Variants in FAM216B observed in about 807,000 individuals in gnomAD.
FAM216B encodes family with sequence similarity 216 member B.
A neutral mutation model predicts 12.9 loss-of-function variants in FAM216B; 11 were observed. The observed-to-expected ratio is 0.86, with a 90% CI of 0.54 to 1.42. The LOEUF (loss-of-function observed/expected upper bound fraction) is 1.42. Among genes scored for constraint, FAM216B ranks in the 40% most tolerant of loss-of-function variants. FAM216B has a pLI of 0.00. For synonymous variants in FAM216B, 52 were observed against 57.2 expected, an observed-to-expected ratio of 0.91 and a Z score of 0.41; for missense variants, 167 against 162.9, an observed-to-expected ratio of 1.02 and a Z score of -0.14.
chr13:42,782,829 T>C (rs1873911620), intron 1 of FAM216B, among the ~76,000 whole-genome samples: 1 of 152,172 alleles, frequency 6.6e-6, no homozygotes, highest in Admixed American at 6.5e-5. Context: ...TATAGTACAA[T>C]GCTATAAAAT....
chr13:42,785,624 G>A (rs187066514), intron 2 of FAM216B, among the ~76,000 whole-genome samples: 25 of 152,258 alleles, frequency 1.6e-4, no homozygotes, highest in South Asian at 1.0e-3. Flanking sequence ...GTTGAGCACC[G>A]TATATAATGA....
intron 1 of FAM216B, among the ~76,000 whole-genome samples, chr13:42,782,254 T>C (rs1323292905): frequency 6.6e-6 from 1 of 152,202 alleles, no homozygotes. Flanking sequence ...CCTATGAGTG[T>C]GCATGTGTTT....
Position 42,788,712 on chromosome 13 carries a change from A to G in FAM216B, c.342A>G (p.Arg114=), listed in dbSNP as rs779910235. The change falls in exon 4 of 4, where the codon AGA becomes AGG. Residue 114 remains arginine, a synonymous_variant. Coordinates refer to ENST00000313851, the MANE Select transcript of FAM216B (RefSeq NM_001318932.2). ...CCCGGAAAACTTCAGCCATGACAAG[A>G]AGATGTCCATCAGTACTACCTGTAT... ...TIPRKTSAMT[R]RCPSVLPVSV... is the part of the protein sequence containing the mutation. 9 of 1,613,966 alleles carry G rather than the reference A, an allele frequency of 5.6e-6. No individual in the cohort carries two copies. Among genetic ancestry groups the G allele is most frequent in the Non-Finnish European group, 7.6e-6 (9 of 1,179,860 alleles).
chr13:42,786,590 T>A (rs1029862346), intron 2 of FAM216B, among the ~76,000 whole-genome samples, 173 bp from the exon 3 acceptor site: 5 of 150,778 alleles, frequency 3.3e-5, no homozygotes, highest in Admixed American at 3.3e-4. Flanking sequence ...TTTAAGCAAA[T>A]GAAGAGAGGA....
chr13:42,790,874 T>C lies in FAM216B; in HGVS notation c.*2084T>C, dbSNP rs916690190. 26 of 152,274 alleles carry C rather than the reference T, an allele frequency of 1.7e-4. No homozygotes were observed. Among genetic ancestry groups the C allele is most frequent in the Admixed American group, 1.3e-3 (20 of 15,292 alleles). The allele number at this position is 152,274 out of a possible 1,614,324, so 9.4% of individuals were successfully genotyped here. ...TGCGGTAGGCAATCAATAATACTCT[T>C]TGAATAATAATGAGGTTTTCAAAGA... On this transcript the variant is annotated 3_prime_UTR_variant, in exon 4 of 4. Transcript: ENST00000313851.
chr13:42,784,571 A>G (rs1364955769), intron 2 of FAM216B, among the ~76,000 whole-genome samples: 1 of 147,942 alleles, frequency 6.8e-6, no homozygotes, highest in Admixed American at 7.0e-5. Flanking sequence ...TAATCCCAGC[A>G]CTTTGGGAGG....
intron 2 of FAM216B, among the ~76,000 whole-genome samples, chr13:42,785,202 C>T (rs1874034205): frequency 6.6e-6 from 1 of 152,166 alleles, no homozygotes; most frequent in African/African-American, 2.4e-5. Context: ...ACTTCAGAAA[C>T]TAAAGCTGAA....
rs1221406801 is a variant in FAM216B at position 42,788,571 on chromosome 13, C to G, written c.221-20C>G. On this transcript the variant is annotated intron_variant, in intron 3 of 3. Coordinates refer to ENST00000313851, the MANE Select transcript of FAM216B (RefSeq NM_001318932.2). ...TGTAAAATTGTTGATTTTGAAGTTTCTCTCATTTCTTTCCCCTAGGCTATA... is the reference window on the plus strand; with the variant it reads ...TGTAAAATTGTTGATTTTGAAGTTTGTCTCATTTCTTTCCCCTAGGCTATA... 2 of 1,534,270 alleles carry G rather than the reference C, an allele frequency of 1.3e-6. No homozygotes were observed. Among genetic ancestry groups the G allele is most frequent in the South Asian group, 2.6e-5 (2 of 77,366 alleles).
intron 2 of FAM216B, among the ~76,000 whole-genome samples, chr13:42,784,585 A>T (rs1470838325): frequency 6.9e-6 from 1 of 144,082 alleles, no homozygotes; most frequent in East Asian, 2.1e-4. Flanking sequence ...TGGGAGGCCG[A>T]GGCGGGTGGA....
chr13:42,782,500 G>T (rs915257771), intron 1 of FAM216B, among the ~76,000 whole-genome samples: 1 of 152,166 alleles, frequency 6.6e-6, no homozygotes, highest in Non-Finnish European at 1.5e-5. Context: ...ATACGTGCAG[G>T]TATTAATAAT....
chr13:42,782,530 G>T (rs902628657), intron 1 of FAM216B, among the ~76,000 whole-genome samples: 3 of 152,178 alleles, frequency 2.0e-5, no homozygotes, highest in African/African-American at 7.2e-5. Flanking sequence ...TTAGCAGATT[G>T]TTACTATGTT....
At chr13:42,784,807 C>A (rs1411811874) in intron 2 of FAM216B, among the ~76,000 whole-genome samples, 2 of 150,942 alleles carry the variant, frequency 1.3e-5, no homozygotes, top group East Asian at 3.9e-4. Context: ...GCACTCCAGG[C>A]TGGGTGACTG....
chr13:42,783,446 T>C (rs1283202006), intron 1 of FAM216B, among the ~76,000 whole-genome samples: 2 of 152,194 alleles, frequency 1.3e-5, no homozygotes, highest in Non-Finnish European at 2.9e-5. Flanking sequence ...CAGATTTTTT[T>C]TTTTTGATTC....
At chr13:42,786,962 T>C in intron 3 of FAM216B, 79 bp downstream of exon 3, 1 of 1,580,702 alleles carries the variant, frequency 6.3e-7, no homozygotes, top group South Asian at 1.2e-5. Flanking sequence ...TCCAGATAAA[T>C]AATTCAAGCA....
intron 3 of FAM216B, among the ~76,000 whole-genome samples, chr13:42,787,098 A>G (rs1874123011): frequency 2.0e-5 from 3 of 152,346 alleles, no homozygotes; most frequent in African/African-American, 4.8e-5. Context: ...AAATTCGAGT[A>G]TGGATTGTGA....
Position 42,789,554 on chromosome 13 carries a change from A to G in FAM216B, c.*764A>G, listed in dbSNP as rs1874232233. The G allele has an allele frequency of 1.3e-5, 2 of 152,220 alleles. No homozygotes were observed. The highest frequency in any genetic ancestry group is 2.9e-5 in the Non-Finnish European group (2 of 68,046). The allele number at this position is 152,220 out of a possible 1,614,324, so 9.4% of individuals were successfully genotyped here. A position where few individuals can be genotyped will look rare whatever the true frequency, so the allele number is the denominator to read the frequency against. On this transcript the variant is annotated 3_prime_UTR_variant, in exon 4 of 4. Transcript: ENST00000313851. The stretch of plus-strand genomic sequence containing the variant: ...TTTTAAGCAAAGCACATAAAACTAT[A>G]CTAAGCAGTGAGTCAGTTCATCATA...
intron 1 of FAM216B, 55 bp from the exon 2 acceptor site, chr13:42,783,999 C>T: frequency 1.7e-6 from 2 of 1,169,052 alleles, no homozygotes; most frequent in Admixed American, 4.6e-5. Flanking sequence ...AAGTACATCC[C>T]CAAAATTGGT....
chr13:42,784,206 G>C, intron 2 of FAM216B, 40 bp downstream of exon 2: 1 of 1,212,970 alleles, frequency 8.2e-7, no homozygotes, highest in Non-Finnish European at 1.1e-6. Flanking sequence ...CAGATAGAGT[G>C]ACCTGTCTGT....
In FAM216B at chr13:42,784,172, G is replaced by GGTTTTT; in HGVS notation, c.99+6_99+7insGTTTTT. Reference sequence around the variant, plus strand: ...ATGACACTTCCTTACTAAAGGTATGGCTTTTTTTTTTTTTTTTTTTTCACA... The same window carrying GGTTTTT: ...ATGACACTTCCTTACTAAAGGTATGGGTTTTTCTTTTTTTTTTTTTTTTTTTTCACA... On this transcript the variant is annotated splice_region_variant and intron_variant, in intron 2 of 3. Coordinates refer to ENST00000313851, the MANE Select transcript of FAM216B (RefSeq NM_001318932.2). The GGTTTTT allele has an allele frequency of 2.8e-5, 23 of 808,872 alleles. No homozygotes were observed. The highest frequency in any genetic ancestry group is 4.5e-5 in the African/African-American group (1 of 22,304). The allele number at this position is 808,872 out of a possible 1,614,324, so 50.1% of individuals were successfully genotyped here.
Sources: allele counts gnomAD v4.1 joint callset (sites outside exome capture counted in the v4.1 genomes callset), GRCh38; gene constraint gnomAD v4.1.1; transcripts MANE v1.5; gene names NCBI Gene and HGNC (gene_info 2026-07-23, HGNC 2026-07-21).